Variants in LRWD1 observed in about 807,000 individuals in gnomAD.
The protein encoded by LRWD1 is leucine rich repeats and WD repeat domain containing 1, also known as leucine-rich repeat and WD repeat-containing protein 1.
Under a neutral mutation model 75.6 loss-of-function variants are expected in LRWD1, and 76 were observed. That is an observed-to-expected ratio of 1.01 (90% CI 0.84 to 1.22). The LOEUF (loss-of-function observed/expected upper bound fraction) is 1.22, where lower values mean the gene tolerates loss of function less well. Among genes scored for constraint, LRWD1 ranks in the 50% most tolerant of loss-of-function variants. LRWD1 has a pLI of 0.00. For synonymous variants in LRWD1, 487 were observed against 377.0 expected, an observed-to-expected ratio of 1.29 and a Z score of -3.38; for missense variants, 917 against 862.0, an observed-to-expected ratio of 1.06 and a Z score of -0.80.
Position 102,467,728 on chromosome 7 carries a change from A to G in LRWD1, c.583A>G (p.Ile195Val). The G allele has an allele frequency of 6.4e-7, 1 of 1,551,588 alleles. No homozygotes were observed. The highest frequency in any genetic ancestry group is 8.7e-7 in the Non-Finnish European group (1 of 1,147,052). Residue 195 changes from isoleucine to valine, a missense_variant, in exon 5 of 15, where the codon ATC becomes GTC. Transcript: ENST00000292616. ...GCCTGGCCCCACCCAGGTGCGGATG[A>G]TCTCTGAGGAGCTGGTGGCCGCCAG... ...SEFTQWRVRMISEELVAASRT... is the reference protein window; with the variant it reads ...SEFTQWRVRMVSEELVAASRT...
At chr7:102,467,171 G>GGGTGTGT (rs1245223810) in intron 3 of LRWD1, among the ~76,000 whole-genome samples, 168 bp from the exon 4 acceptor site, 1 of 99,148 alleles carries the variant, frequency 1.0e-5, no homozygotes, top group Admixed American at 1.1e-4. Flanking sequence ...GTGTGTGTGG[G>GGGTGTGT]GTGTGTGTGT....
chr7:102,471,844 C>T (rs749732422), intron 11 of LRWD1: 45 of 238,012 alleles, frequency 1.9e-4, no homozygotes, highest in Non-Finnish European at 3.1e-4. Flanking sequence ...ATGCCCCCAA[C>T]AGCCCCCTGG....
In LRWD1 at chr7:102,466,134, C is replaced by A; in HGVS notation, c.316-20C>A. On this transcript the variant is annotated intron_variant, in intron 2 of 14. Transcript: ENST00000292616. Reference sequence around the variant, plus strand: ...GCTCAGCATCTCCTGAGCCACTGCTCTTCACCCTCTCTTCCCCAGGTCAAT... The same window carrying A: ...GCTCAGCATCTCCTGAGCCACTGCTATTCACCCTCTCTTCCCCAGGTCAAT... 6.2e-7 allele frequency: 1 copy of A among 1,613,360 alleles called. No individual in the cohort carries two copies. The highest frequency in any genetic ancestry group is 8.5e-7 in the Non-Finnish European group (1 of 1,179,282).
chr7:102,468,659 G>A lies in LRWD1; in HGVS notation c.1020+5G>A, dbSNP rs750407111. 6.4e-7 allele frequency: 1 copy of A among 1,560,288 alleles called. No homozygotes were observed. Among genetic ancestry groups the A allele is most frequent in the Non-Finnish European group, 8.7e-7 (1 of 1,152,178 alleles). ...AAGTACAAGGCACCCGGCGAGGTGA[G>A]TGCAAGGCCCTGTCCCTGCTGGGCA... On this transcript the variant is annotated splice_donor_5th_base_variant and intron_variant, in intron 8 of 14. Coordinates refer to ENST00000292616, the MANE Select transcript of LRWD1 (RefSeq NM_152892.3).
rs760043551 is a variant in LRWD1, at chr7:102,469,883, G to A, written c.1442+1G>A. 1.3e-6 allele frequency: 2 copies of A among 1,546,228 alleles called. No individual in the cohort carries two copies. The highest frequency in any genetic ancestry group is 1.9e-5 in the Admixed American group (1 of 51,838). ...GGCTGGACCAGCCCCAAAAGAGGAG[G>A]TGAGGCTGGGCAGGGGGCGCCTTGG... On this transcript the variant is annotated splice_donor_variant, in intron 11 of 14. Coordinates refer to ENST00000292616, the MANE Select transcript of LRWD1 (RefSeq NM_152892.3). LOFTEE classifies it high-confidence loss of function.
At chr7:102,469,124 CT>C in intron 9 of LRWD1, 62 bp downstream of exon 9, 1 of 1,416,260 alleles carries the variant, frequency 7.1e-7, no homozygotes. Flanking sequence ...CCCCAGTAGC[CT>C]CCACGCTCCC....
At chr7:102,468,002 T>G in intron 5 of LRWD1, 60 bp from the exon 6 acceptor site, 2 of 1,582,024 alleles carry the variant, frequency 1.3e-6, no homozygotes, top group South Asian at 1.1e-5. Context: ...GTCCAGCCTG[T>G]GATGGGGAGG....
chr7:102,466,035 G>A lies in LRWD1; in HGVS notation c.299G>A (p.Gly100Asp). The change falls in exon 2 of 15, where the codon GGC becomes GAC. Residue 100 changes from glycine to aspartate, a missense_variant. By Grantham distance (94) the Gly-to-Asp change is moderately conservative. Transcript: ENST00000292616. ...AAGCTCGAGGAACTCAGCCTGGAGG[G>A]CAACCCCTTCCTGACGGTAAGTGGG... is the stretch of plus-strand genomic sequence containing the variant. ...FPKLEELSLE[G>D]NPFLTVNDNL... 2 of 1,614,048 alleles carry A rather than the reference G, an allele frequency of 1.2e-6. No individual in the cohort carries two copies. The highest frequency in any genetic ancestry group is 1.7e-6 in the Non-Finnish European group (2 of 1,180,014).
intron 11 of LRWD1, chr7:102,471,742 C>T (rs1798194269): frequency 5.3e-6 from 1 of 187,026 alleles, no homozygotes; most frequent in Non-Finnish European, 1.1e-5. Context: ...TCCCTCATTC[C>T]CCCATTCCCC....
intron 3 of LRWD1, among the ~76,000 whole-genome samples, 154 bp from the exon 4 acceptor site, chr7:102,467,171 GGTGTGTGTGTGTGT>G (rs1209487514): frequency 2.2e-4 from 22 of 99,148 alleles, no homozygotes; most frequent in South Asian, 1.0e-3. Context: ...GTGTGTGTGG[GGTGTGTGTGTGTGT>G]GTGTGTGTGT....
At chr7:102,466,327 G>A in intron 3 of LRWD1, 57 bp downstream of exon 3, 2 of 1,395,246 alleles carry the variant, frequency 1.4e-6, no homozygotes, top group Non-Finnish European at 1.0e-6. Flanking sequence ...TTGGGAGAAT[G>A]ATAGAATTGG....
chr7:102,472,134 G>C, intron 11 of LRWD1, 84 bp from the exon 12 acceptor site: 16 of 1,240,570 alleles, frequency 1.3e-5, no homozygotes, highest in Non-Finnish European at 1.8e-5. Flanking sequence ...AGGGTCCCCA[G>C]CAGGTGCGCT....
At position 102,469,763 on chromosome 7, in the gene LRWD1, C is replaced by T. The variant is rs751880060; in HGVS notation, c.1323C>T (p.Thr441=). 2 of 1,608,774 alleles carry T rather than the reference C, an allele frequency of 1.2e-6. No homozygotes were observed. The highest frequency in any genetic ancestry group is 1.3e-5 in the African/African-American group (1 of 74,862). The change falls in exon 11 of 15, where the codon ACC becomes ACT. Residue 441 remains threonine (T), a synonymous_variant. Transcript: ENST00000292616. ...FQASQLLTLD[T]TSIPLRLCPV... ...GCAGCCAGCTGCTCACACTGGACACCACCTCTATCCCCCTGCGCCTCTGCC... is the reference window on the plus strand; with the variant it reads ...GCAGCCAGCTGCTCACACTGGACACTACCTCTATCCCCCTGCGCCTCTGCC...
chr7:102,467,256 G>A (rs375287478), intron 3 of LRWD1, 83 bp from the exon 4 acceptor site: 16 of 1,485,652 alleles, frequency 1.1e-5, no homozygotes, highest in African/African-American at 7.0e-5. Context: ...AGCAGGTGGC[G>A]GGATTGAGAT....
At chr7:102,466,785 T>C (rs1247948711) in intron 3 of LRWD1, among the ~76,000 whole-genome samples, 3 of 94,250 alleles carry the variant, frequency 3.2e-5, no homozygotes, top group Non-Finnish European at 6.6e-5. Context: ...TTTTTTTTTT[T>C]TTTTTTTTTT....
chr7:102,465,696 G>A (rs765687224), intron 1 of LRWD1, 121 bp from the exon 2 acceptor site: 125 of 696,550 alleles, frequency 1.8e-4, no homozygotes, highest in African/African-American at 1.3e-3. Context: ...CGGGGGGATG[G>A]GCGGGGCGGC....
At position 102,473,116 on chromosome 7, in the gene LRWD1, T is replaced by TGGG. The variant is rs61229695; in HGVS notation, c.*74_*76dup. 2.5e-6 allele frequency: 3 copies of TGGG among 1,205,398 alleles called. No homozygotes were observed. In the African/African-American group the frequency reaches 4.9e-5, roughly 20 times the overall value. 74.7% of individuals were successfully genotyped at this position (1,205,398 alleles called of 1,614,324 possible). ...TTATTCAGCTTTGGGCCGATGGGGG[T>TGGG]GGGGGGGGGTCTTTCAGTGAATATT... On this transcript the variant is annotated 3_prime_UTR_variant, in exon 15 of 15. Coordinates refer to ENST00000292616, the MANE Select transcript of LRWD1 (RefSeq NM_152892.3).
At chr7:102,469,999 G>C (rs1798138210) in intron 11 of LRWD1, 117 bp downstream of exon 11, 1 of 1,279,318 alleles carries the variant, frequency 7.8e-7, no homozygotes, top group African/African-American at 1.5e-5. Context: ...TGTTTTTAGA[G>C]GCCTCTTCGC....
rs1220869006 is a variant in LRWD1, at chr7:102,472,292, T to G, written c.1517T>G (p.Val506Gly). 1 of 1,581,700 alleles carries G rather than the reference T, an allele frequency of 6.3e-7. No homozygotes were observed. Among genetic ancestry groups the G allele is most frequent in the Admixed American group, 1.8e-5 (1 of 55,682 alleles). Reference sequence around the variant, plus strand: ...CGGAGAGTGGATGGGCTGGCATTTGTGAATGAGGACATCGTGGGTGAGTGA... The same window carrying G: ...CGGAGAGTGGATGGGCTGGCATTTGGGAATGAGGACATCGTGGGTGAGTGA... ...SGRRVDGLAF[V>G]NEDIVASKGS... Residue 506 changes from valine (V) to glycine (G), a missense_variant, in exon 12 of 15, where the codon GTG becomes GGG. Physicochemically the swap from Val to Gly is moderately radical, Grantham distance 109. Transcript: ENST00000292616.
Sources: allele counts gnomAD v4.1 joint callset (sites outside exome capture counted in the v4.1 genomes callset), GRCh38; gene constraint gnomAD v4.1.1; transcripts MANE v1.5; gene names NCBI Gene and HGNC (gene_info 2026-07-23, HGNC 2026-07-21).